The following CERS6 variants were observed in gnomAD, a reference collection of about 807,000 sequenced individuals.
The protein encoded by CERS6 is ceramide synthase 6, also known as LAG1 homolog, ceramide synthase 6.
A neutral mutation model predicts 56.8 loss-of-function variants in CERS6; 26 were observed. The ratio of observed to expected loss-of-function variants is 0.46; its 90% confidence interval spans 0.34 to 0.63. The LOEUF (loss-of-function observed/expected upper bound fraction) is 0.63, where lower values mean the gene tolerates loss of function less well. Ranked by LOEUF, CERS6 falls within the 30% of genes least tolerant of loss-of-function variation. The pLI, the probability that CERS6 is intolerant of heterozygous loss-of-function variation, is 0.01. For synonymous variants in CERS6, 164 were observed against 173.3 expected (o/e 0.95, Z 0.42); for missense variants, 415 against 467.5 (o/e 0.89, Z 1.04).
At chr2:168,658,705 C>T (rs1685553474) in intron 4 of CERS6, among the ~76,000 whole-genome samples, 1 of 152,218 alleles carries the variant, frequency 6.6e-6, no homozygotes, top group African/African-American at 2.4e-5. Flanking sequence ...ATTTATTTCT[C>T]ACCAAACCCT....
chr2:168,503,149 C>G (rs1381819856), intron 1 of CERS6, among the ~76,000 whole-genome samples: 1 of 152,096 alleles, frequency 6.6e-6, no homozygotes, highest in Non-Finnish European at 1.5e-5. Flanking sequence ...GCTCTTGCTT[C>G]TCTCTCTCGC....
chr2:168,540,143 T>C (rs947506316), intron 1 of CERS6, among the ~76,000 whole-genome samples: 2 of 152,134 alleles, frequency 1.3e-5, no homozygotes, highest in Non-Finnish European at 1.5e-5. Context: ...ACATAGAATT[T>C]TTGGCTGACA....
At chr2:168,740,528 T>C (rs1559075180) in intron 8 of CERS6, among the ~76,000 whole-genome samples, 1 of 152,206 alleles carries the variant, frequency 6.6e-6, no homozygotes, top group East Asian at 1.9e-4. Flanking sequence ...GTGAGCATTA[T>C]GAAGACGTAT....
intron 3 of CERS6, among the ~76,000 whole-genome samples, chr2:168,576,403 C>A (rs779075975): frequency 2.0e-5 from 3 of 152,160 alleles, no homozygotes; most frequent in Admixed American, 6.5e-5. Context: ...TGAGTGCCTA[C>A]TTTATGCCCA....
chr2:168,589,327 GA>G (rs1683619518), intron 3 of CERS6, among the ~76,000 whole-genome samples: 1 of 151,990 alleles, frequency 6.6e-6, no homozygotes, highest in Non-Finnish European at 1.5e-5. Flanking sequence ...TAAATTATAA[GA>G]GGTAGATAGG....
intron 6 of CERS6, among the ~76,000 whole-genome samples, chr2:168,709,155 A>G (rs1042004837): frequency 6.6e-6 from 1 of 152,138 alleles, no homozygotes; most frequent in Non-Finnish European, 1.5e-5. Context: ...GAACCGAATT[A>G]ACGATGCTGA....
intron 3 of CERS6, among the ~76,000 whole-genome samples, chr2:168,594,707 C>T (rs1202289094): frequency 6.6e-6 from 1 of 152,204 alleles, no homozygotes; most frequent in Non-Finnish European, 1.5e-5. Context: ...AAGCCCAACT[C>T]AGGTCATGTT....
intron 3 of CERS6, among the ~76,000 whole-genome samples, chr2:168,562,153 T>G (rs1189126450): frequency 6.6e-6 from 1 of 152,210 alleles, no homozygotes; most frequent in Non-Finnish European, 1.5e-5. Context: ...ACAGTAGTGC[T>G]TTCGGTGTAA....
chr2:168,557,871 A>G (rs759828574), intron 2 of CERS6, among the ~76,000 whole-genome samples: 3 of 152,240 alleles, frequency 2.0e-5, no homozygotes, highest in Non-Finnish European at 2.9e-5. Context: ...GCTGGAAAAA[A>G]GTATGCAGCT....
At chr2:168,658,799 C>T (rs1057072554) in intron 4 of CERS6, among the ~76,000 whole-genome samples, 1 of 152,118 alleles carries the variant, frequency 6.6e-6, no homozygotes, top group Admixed American at 6.5e-5. Flanking sequence ...ATGGGGCCAT[C>T]ATTTGAACTC....
intron 2 of CERS6, among the ~76,000 whole-genome samples, chr2:168,552,229 A>G (rs1052073236): frequency 1.3e-5 from 2 of 152,000 alleles, no homozygotes; most frequent in Non-Finnish European, 2.9e-5. Context: ...GGTGTTTGTA[A>G]TATATAAATG....
chr2:168,652,798 C>T (rs780835773), intron 4 of CERS6, among the ~76,000 whole-genome samples: 1 of 152,266 alleles, frequency 6.6e-6, no homozygotes, highest in Non-Finnish European at 1.5e-5. Flanking sequence ...AAAAAAATCA[C>T]GATCTTCCTC....
At chr2:168,648,070 A>G (rs1051521642) in intron 4 of CERS6, among the ~76,000 whole-genome samples, 1 of 152,020 alleles carries the variant, frequency 6.6e-6, no homozygotes, top group Non-Finnish European at 1.5e-5. Flanking sequence ...ATTTTTTGGT[A>G]TAGTTTCTGT....
At chr2:168,654,630 C>T (rs1321163997) in intron 4 of CERS6, among the ~76,000 whole-genome samples, 4 of 152,160 alleles carry the variant, frequency 2.6e-5, no homozygotes, top group African/African-American at 9.7e-5. Context: ...ATCTTGTTGG[C>T]CATGTTGAAT....
chr2:168,487,350 G>C (rs1694292921), intron 1 of CERS6, among the ~76,000 whole-genome samples: 1 of 152,106 alleles, frequency 6.6e-6, no homozygotes, highest in Non-Finnish European at 1.5e-5. Context: ...TAATCTCCTT[G>C]TCTCTCTCCT....
intron 8 of CERS6, among the ~76,000 whole-genome samples, chr2:168,739,550 T>A (rs1451631888): frequency 1.3e-5 from 2 of 152,144 alleles, no homozygotes; most frequent in Non-Finnish European, 2.9e-5. Context: ...TGCAGAAGAT[T>A]CATGTTCCCT....
intron 1 of CERS6, among the ~76,000 whole-genome samples, chr2:168,480,644 G>A (rs1373182372): frequency 6.6e-6 from 1 of 152,176 alleles, no homozygotes; most frequent in Non-Finnish European, 1.5e-5. Context: ...TAATGTGTCT[G>A]AGAACTGGCA....
intron 8 of CERS6, among the ~76,000 whole-genome samples, chr2:168,747,291 ATT>A (rs5836199): frequency 0.087 from 12,860 of 147,484 alleles, 667 homozygotes; most frequent in African/African-American, 0.16. Flanking sequence ...GTCTCAACAA[ATT>A]TTTTTTTTTT....
chr2:168,717,738 G>T (rs1185330320), intron 7 of CERS6, 134 bp from the exon 8 acceptor site: 3 of 591,064 alleles, frequency 5.1e-6, no homozygotes, highest in East Asian at 3.0e-5. Context: ...TCAATCGCAG[G>T]CTGAAATGCA....
Sources: allele counts gnomAD v4.1 joint callset (sites outside exome capture counted in the v4.1 genomes callset), GRCh38; gene constraint gnomAD v4.1.1; transcripts MANE v1.5; gene names NCBI Gene and HGNC (gene_info 2026-07-23, HGNC 2026-07-21).